Variants in MACROD2 observed in about 807,000 individuals in gnomAD.
MACROD2 encodes ADP-ribose glycohydrolase MACROD2.
Under a neutral mutation model 70.4 loss-of-function variants are expected in MACROD2, and 36 were observed. The ratio of observed to expected loss-of-function variants is 0.51; its 90% confidence interval spans 0.39 to 0.68. The LOEUF (loss-of-function observed/expected upper bound fraction) is 0.68, where lower values mean the gene tolerates loss of function less well. Among genes scored for constraint, MACROD2 ranks in the 30% least tolerant of loss-of-function variants. The pLI, the probability that MACROD2 is intolerant of heterozygous loss-of-function variation, is 0.00. For missense variants in MACROD2, 496 were observed against 538.4 expected (o/e 0.92, Z 0.78); for synonymous variants, 172 against 178.8 (o/e 0.96, Z 0.30).
chr20:14,058,969 A>T (rs1315784377), intron 2 of MACROD2, among the ~76,000 whole-genome samples: 1 of 151,994 alleles, frequency 6.6e-6, no homozygotes, highest in Non-Finnish European at 1.5e-5. Flanking sequence ...TTCATATTTT[A>T]ACTGCTGGCT....
intron 5 of MACROD2, among the ~76,000 whole-genome samples, chr20:15,126,557 T>C (rs2076068649): frequency 6.6e-6 from 1 of 152,084 alleles, no homozygotes; most frequent in Non-Finnish European, 1.5e-5. Flanking sequence ...TGAGCACTAT[T>C]TAAAAATGCA....
intron 15 of MACROD2, among the ~76,000 whole-genome samples, chr20:16,010,088 TGCTTCATATAA>T (rs2066842500): frequency 6.6e-6 from 1 of 152,196 alleles, no homozygotes; most frequent in African/African-American, 2.4e-5. Context: ...GTGAGGGTCT[TGCTTCATATAA>T]GCTTCATTAT....
chr20:14,295,804 TTACTC>T (rs1180875807), intron 3 of MACROD2, among the ~76,000 whole-genome samples: 2 of 151,870 alleles, frequency 1.3e-5, no homozygotes, highest in Admixed American at 6.6e-5. Context: ...AGCACTAAGT[TTACTC>T]TATAGAGGAT....
chr20:16,017,742 C>A (rs969734339), intron 15 of MACROD2, among the ~76,000 whole-genome samples: 1 of 152,214 alleles, frequency 6.6e-6, no homozygotes, highest in Non-Finnish European at 1.5e-5. Context: ...AAATAACTTA[C>A]CTATCACTTC....
chr20:14,342,457 G>A (rs1366539160), intron 3 of MACROD2, among the ~76,000 whole-genome samples: 1 of 152,092 alleles, frequency 6.6e-6, no homozygotes, highest in African/African-American at 2.4e-5. Flanking sequence ...CTGTCAACAG[G>A]TAGTGATGCA....
Position 13,995,850 on chromosome 20 carries a change from GTT to G in MACROD2, c.46+42_46+43del. 1 of 505,096 alleles carries G rather than the reference GTT, an allele frequency of 2.0e-6. No homozygotes were observed. The highest frequency in any genetic ancestry group is 2.0e-5 in the African/African-American group (1 of 48,990). The allele number at this position is 505,096 out of a possible 1,614,324, so 31.3% of individuals were successfully genotyped here. Reference sequence around the variant, plus strand: ...AGTCCTGGGGGTGCGGGCGGTGGGGGTTAGGGTGGGGGCGGGGGTCAGGCTGT... The same window carrying G: ...AGTCCTGGGGGTGCGGGCGGTGGGGGAGGGTGGGGGCGGGGGTCAGGCTGT... On this transcript the variant is annotated intron_variant, in intron 1 of 17. Transcript: ENST00000684519. The surrounding 1 kb of genome is among the most constrained non-coding windows in gnomAD (Gnocchi z 4.3).
chr20:14,471,978 A>T (rs374339579), intron 3 of MACROD2, among the ~76,000 whole-genome samples: 1 of 152,194 alleles, frequency 6.6e-6, no homozygotes, highest in African/African-American at 2.4e-5. Flanking sequence ...GATTTACATG[A>T]TTTAAAATTT....
chr20:14,288,213 C>G (rs769977786), intron 3 of MACROD2, among the ~76,000 whole-genome samples: 1 of 151,790 alleles, frequency 6.6e-6, no homozygotes, highest in Non-Finnish European at 1.5e-5. Context: ...AATAGAACTA[C>G]TAATTCATTA....
intron 12 of MACROD2, among the ~76,000 whole-genome samples, chr20:15,957,397 AGTT>A (rs1385091789): frequency 2.0e-5 from 3 of 152,178 alleles, no homozygotes; most frequent in African/African-American, 7.2e-5. Flanking sequence ...GCAGTCTCAC[AGTT>A]GTTTCTCCTA....
In MACROD2 at chr20:15,813,640, A is replaced by G. The variant is rs118066893; in HGVS notation, c.646-49105A>G. Among the ~76,000 whole-genome samples the G allele has an allele frequency of 2.3e-3, 349 of 152,222 alleles. 5 individuals carry two copies. The East Asian group carries it at 0.043, about 19-fold the overall frequency. ...AAAAAATATTAAAAATTAGCCAGGC[A>G]TGGTGGCACATGCTTGTGATCCCAG... On this transcript the variant is annotated intron_variant, in intron 8 of 17. Coordinates refer to ENST00000684519, the MANE Select transcript of MACROD2 (RefSeq NM_001351661.2).
At chr20:14,734,471 A>T (rs1358249208) in intron 5 of MACROD2, among the ~76,000 whole-genome samples, 1 of 151,410 alleles carries the variant, frequency 6.6e-6, no homozygotes, top group Non-Finnish European at 1.5e-5. Flanking sequence ...ACTGCACTCC[A>T]GCCTGGGTAA....
intron 3 of MACROD2, among the ~76,000 whole-genome samples, chr20:14,442,571 C>A (rs897816601): frequency 6.6e-6 from 1 of 151,990 alleles, no homozygotes; most frequent in Non-Finnish European, 1.5e-5. Flanking sequence ...TTCTTTTAAA[C>A]TAAAGTCTTT....
intron 8 of MACROD2, among the ~76,000 whole-genome samples, chr20:15,555,779 AGATTGCGCCACTGCACTCCAGCCTGGGT>A (rs2048158201): frequency 6.9e-6 from 1 of 143,892 alleles, no homozygotes; most frequent in African/African-American, 2.6e-5. Context: ...CAGTGAGCCA[AGATTGCGCCACTGCACTCCAGCCTGGGT>A]GACAGACTGA....
intron 3 of MACROD2, among the ~76,000 whole-genome samples, chr20:14,115,228 T>A (rs181507385): frequency 2.1e-4 from 32 of 152,314 alleles, no homozygotes; most frequent in East Asian, 5.8e-4. Context: ...CTCCTTTTTT[T>A]AAAATGTTTT....
At chr20:14,747,596 G>A (rs900949154) in intron 5 of MACROD2, among the ~76,000 whole-genome samples, 4 of 152,080 alleles carry the variant, frequency 2.6e-5, no homozygotes, top group African/African-American at 9.7e-5. Flanking sequence ...TCACTGGAAG[G>A]CTTTATAAGA....
At chr20:14,274,923 A>G (rs1239810209) in intron 3 of MACROD2, among the ~76,000 whole-genome samples, 1 of 152,038 alleles carries the variant, frequency 6.6e-6, no homozygotes, top group Non-Finnish European at 1.5e-5. Context: ...TAAAATACCT[A>G]GGAATCCAAC....
chr20:15,940,060 G>A (rs4814416), intron 12 of MACROD2, among the ~76,000 whole-genome samples: 106,969 of 152,030 alleles, frequency 0.7, 37,875 homozygotes, highest in Non-Finnish European at 0.75. Flanking sequence ...ATCTGCTCCT[G>A]GTGAAGACAG....
At chr20:15,682,287 T>C (rs2050170620) in intron 8 of MACROD2, among the ~76,000 whole-genome samples, 2 of 152,184 alleles carry the variant, frequency 1.3e-5, no homozygotes, top group Non-Finnish European at 1.5e-5. Context: ...ATAGGAAAGA[T>C]TTTTAGACTT....
intron 5 of MACROD2, among the ~76,000 whole-genome samples, chr20:14,771,767 C>T (rs1335915527): frequency 1.3e-5 from 2 of 151,106 alleles, no homozygotes; most frequent in East Asian, 3.9e-4. Flanking sequence ...CACACACATA[C>T]ACATATGGTG....
Sources: gnomAD v4.1 joint callset for allele counts (sites outside exome capture counted in the v4.1 genomes callset) on GRCh38, gnomAD v4.1.1 for gene constraint, Gnocchi (gnomAD v3.1) non-coding constraint, MANE v1.5 for transcripts, NCBI Gene and HGNC (gene_info 2026-07-23, HGNC 2026-07-21) for gene names.